Variants in RNF152 observed in about 807,000 individuals in gnomAD.
RNF152 encodes the protein E3 ubiquitin-protein ligase RNF152.
RNF152 carries 11 observed loss-of-function variants against 12.7 expected under a neutral mutation model. The observed-to-expected ratio is 0.86, with a 90% CI of 0.54 to 1.43. RNF152 has a LOEUF of 1.43. Among genes scored for constraint, RNF152 ranks in the 40% most tolerant of loss-of-function variants. RNF152 has a pLI of 0.00. For synonymous variants in RNF152, 113 were observed against 120.3 expected, an observed-to-expected ratio of 0.94 and a Z score of 0.40; for missense variants, 255 against 274.8, an observed-to-expected ratio of 0.93 and a Z score of 0.51.
chr18:61,828,176 G>T (rs1341916248), intron 1 of RNF152, among the ~76,000 whole-genome samples: 2 of 152,164 alleles, frequency 1.3e-5, no homozygotes, highest in African/African-American at 2.4e-5. Context: ...TCATACATCT[G>T]CCCCTATCTC....
chr18:61,850,876 A>G (rs1910939575), intron 1 of RNF152, among the ~76,000 whole-genome samples: 1 of 152,150 alleles, frequency 6.6e-6, no homozygotes, highest in East Asian at 1.9e-4. Flanking sequence ...AGGAAGCTCC[A>G]TCCAGGCAGA....
At chr18:61,849,065 TC>T (rs1416551213) in intron 1 of RNF152, among the ~76,000 whole-genome samples, 2 of 152,060 alleles carry the variant, frequency 1.3e-5, no homozygotes, top group Non-Finnish European at 2.9e-5. Context: ...CAGCTGTGAA[TC>T]CCCCGGGGTT....
chr18:61,851,133 C>A (rs1258924296), intron 1 of RNF152, among the ~76,000 whole-genome samples: 1 of 151,186 alleles, frequency 6.6e-6, no homozygotes, highest in Non-Finnish European at 1.5e-5. Flanking sequence ...GTGGTTGGTG[C>A]AAATAAACCA....
intron 1 of RNF152, among the ~76,000 whole-genome samples, chr18:61,836,928 C>A (rs9944883): frequency 0.46 from 69,531 of 152,042 alleles, 16,405 homozygotes; most frequent in Non-Finnish European, 0.53. Flanking sequence ...CAGGCTTTGA[C>A]AGACAGGATA....
intron 1 of RNF152, among the ~76,000 whole-genome samples, chr18:61,837,477 A>T (rs1263999684): frequency 6.6e-6 from 1 of 152,254 alleles, no homozygotes; most frequent in Non-Finnish European, 1.5e-5. Context: ...GTAAAACGTC[A>T]TGATGTCTGC....
At position 61,872,921 on chromosome 18, in the gene RNF152, TGTTTATTATTA is replaced by T. The variant is rs1348359706; in HGVS notation, c.-136+19863_-136+19873del. Among the ~76,000 whole-genome samples, 17 of 152,318 alleles carry T rather than the reference TGTTTATTATTA, an allele frequency of 1.1e-4. No homozygotes were observed. In the East Asian group the frequency reaches 3.1e-3, roughly 28 times the overall value. ...AGTGAGCAAATAATTACTCTAAAGA[TGTTTATTATTA>T]GTTTATTTTGTTTCTGATAATAGCT... On this transcript the variant is annotated intron_variant, in intron 1 of 1. Transcript: ENST00000312828.
chr18:61,848,953 C>T (rs1279397868), intron 1 of RNF152, among the ~76,000 whole-genome samples: 2 of 152,198 alleles, frequency 1.3e-5, no homozygotes, highest in Non-Finnish European at 2.9e-5. Flanking sequence ...CCAGCACAAA[C>T]CAATAGCCCG....
At chr18:61,841,639 A>G (rs1020675875) in intron 1 of RNF152, among the ~76,000 whole-genome samples, 1 of 152,170 alleles carries the variant, frequency 6.6e-6, no homozygotes, top group Non-Finnish European at 1.5e-5. Flanking sequence ...TCTACCTCTG[A>G]GTGGGTAGAG....
intron 1 of RNF152, among the ~76,000 whole-genome samples, chr18:61,832,124 A>G (rs1291978037): frequency 6.6e-6 from 1 of 152,180 alleles, no homozygotes; most frequent in Non-Finnish European, 1.5e-5. Flanking sequence ...TTCAAGTCAC[A>G]TTTGTAAACT....
intron 1 of RNF152, among the ~76,000 whole-genome samples, chr18:61,892,192 T>TTA (rs1037945742): frequency 6.6e-6 from 1 of 152,238 alleles, no homozygotes; most frequent in African/African-American, 2.4e-5. Context: ...GCTATCTAAA[T>TTA]GGAAACTTCA....
At chr18:61,852,643 T>A (rs1164116920) in intron 1 of RNF152, among the ~76,000 whole-genome samples, 1 of 152,144 alleles carries the variant, frequency 6.6e-6, no homozygotes, top group Non-Finnish European at 1.5e-5. Flanking sequence ...CAAACTTCCA[T>A]CACCTGGAGA....
intron 1 of RNF152, among the ~76,000 whole-genome samples, chr18:61,867,409 G>A (rs999217989): frequency 5.3e-5 from 8 of 151,420 alleles, no homozygotes; most frequent in South Asian, 2.1e-4. Context: ...AGGAGACTGC[G>A]CCATTGCACT....
At chr18:61,826,222 A>C (rs183817717) in intron 1 of RNF152, among the ~76,000 whole-genome samples, 5 of 152,238 alleles carry the variant, frequency 3.3e-5, no homozygotes. Context: ...TTACCTGACC[A>C]AAAGCAGAAA....
chr18:61,819,945 C>T (rs1006135473), intron 1 of RNF152, among the ~76,000 whole-genome samples: 8 of 149,262 alleles, frequency 5.4e-5, no homozygotes, highest in African/African-American at 1.5e-4. Flanking sequence ...CACTTAAACC[C>T]GGGAGGCGGA....
chr18:61,863,814 T>A (rs920863875), intron 1 of RNF152, among the ~76,000 whole-genome samples: 2 of 151,840 alleles, frequency 1.3e-5, no homozygotes, highest in African/African-American at 4.8e-5. Context: ...CTGACAAGAG[T>A]AAGGAAGTCA....
chr18:61,872,752 A>G (rs950421479), intron 1 of RNF152, among the ~76,000 whole-genome samples: 4 of 152,198 alleles, frequency 2.6e-5, no homozygotes, highest in Non-Finnish European at 5.9e-5. Context: ...TTGTTGTGCT[A>G]TAATTTCCAG....
Position 61,812,930 on chromosome 18 carries a change from T to G in RNF152, c.*2922A>C, listed in dbSNP as rs1046076833. The G allele has an allele frequency of 1.2e-4, 18 of 152,110 alleles. No homozygotes were observed. The highest frequency in any genetic ancestry group is 1.2e-3 in the Admixed American group (18 of 15,278). The allele number at this position is 152,110 out of a possible 1,614,324, so 9.4% of individuals were successfully genotyped here. A position where few individuals can be genotyped will look rare whatever the true frequency, so the allele number is the denominator to read the frequency against. On this transcript the variant is annotated 3_prime_UTR_variant, in exon 2 of 2. Transcript: ENST00000312828. Reference sequence around the variant, plus strand: ...AACCCTAGAAAGGATCATAGCCAGATAGAGATATAGACAGACCTAGGATGG... The same window carrying G: ...AACCCTAGAAAGGATCATAGCCAGAGAGAGATATAGACAGACCTAGGATGG...
chr18:61,833,960 A>C (rs1226373831), intron 1 of RNF152, among the ~76,000 whole-genome samples: 1 of 152,252 alleles, frequency 6.6e-6, no homozygotes, highest in African/African-American at 2.4e-5. Context: ...ATGTGTGGTT[A>C]GCAAAAGCTA....
In RNF152 at chr18:61,809,182, C is replaced by G. The variant is rs889295249; in HGVS notation, c.*6670G>C. The stretch of plus-strand genomic sequence containing the variant: ...ATATCTGCCTGTCCCTTCACATAGA[C>G]CCAGTGCTTCATGTCTCCCTTTCCC... On this transcript the variant is annotated 3_prime_UTR_variant, in exon 2 of 2. Transcript: ENST00000312828. 1 of 152,090 alleles carries G rather than the reference C, an allele frequency of 6.6e-6. No homozygotes were observed. Among genetic ancestry groups the G allele is most frequent in the African/African-American group, 2.4e-5 (1 of 41,394 alleles). The allele number at this position is 152,090 out of a possible 1,614,324, so 9.4% of individuals were successfully genotyped here. A position where few individuals can be genotyped will look rare whatever the true frequency, so the allele number is the denominator to read the frequency against.
Sources: allele counts gnomAD v4.1 joint callset (sites outside exome capture counted in the v4.1 genomes callset), GRCh38; gene constraint gnomAD v4.1.1; transcripts MANE v1.5; gene names NCBI Gene and HGNC (gene_info 2026-07-23, HGNC 2026-07-21).